GCNT1: variants seen among roughly 807,000 people sequenced by gnomAD.
GCNT1 encodes beta-1,3-galactosyl-O-glycosyl-glycoprotein beta-1,6-N-acetylglucosaminyltransferase.
GCNT1 carries 16 observed loss-of-function variants against 26.2 expected under a neutral mutation model. That is an observed-to-expected ratio of 0.61 (90% CI 0.41 to 0.93). GCNT1 has a LOEUF of 0.93. Ranked by LOEUF, GCNT1 falls within the 40% of genes least tolerant of loss-of-function variation. The probability of loss-of-function intolerance (pLI) is 0.00; values close to 1 mark genes in which losing one functional copy is unlikely to be tolerated. For synonymous variants in GCNT1, 183 were observed against 190.8 expected (o/e 0.96, Z 0.34); for missense variants, 477 against 526.7 (o/e 0.91, Z 0.92).
the GCNT1 span, among the ~76,000 whole-genome samples, chr9:76,406,078 G>T: frequency 6.6e-6 from 1 of 152,102 alleles, no homozygotes; most frequent in Non-Finnish European, 1.5e-5. Flanking sequence ...TCTGGATTTG[G>T]GCCCTTCCAA....
intron 2 of GCNT1, among the ~76,000 whole-genome samples, chr9:76,467,044 CTT>C (rs368874355): frequency 1.4e-5 from 2 of 146,964 alleles, no homozygotes; most frequent in African/African-American, 5.0e-5. Flanking sequence ...CTCAGCTGAT[CTT>C]TTTTTTTTTT....
chr9:76,462,987 C>G (rs1823906842), intron 2 of GCNT1, among the ~76,000 whole-genome samples: 1 of 152,088 alleles, frequency 6.6e-6, no homozygotes. Flanking sequence ...CTCTTTTTAG[C>G]TAACAGCAAT....
intron 1 of GCNT1, among the ~76,000 whole-genome samples, chr9:76,443,419 C>T (rs867634636): frequency 1.3e-5 from 2 of 152,208 alleles, no homozygotes; most frequent in Middle Eastern, 3.4e-3. Flanking sequence ...TTATGGGAAA[C>T]GAAGGGATGG....
intron 1 of GCNT1, among the ~76,000 whole-genome samples, chr9:76,426,249 G>C (rs1823256394): frequency 6.6e-6 from 1 of 152,144 alleles, no homozygotes; most frequent in African/African-American, 2.4e-5. Context: ...AGATGGAGTT[G>C]GTCAGGTCAG....
At chr9:76,402,041 C>T in the GCNT1 span, among the ~76,000 whole-genome samples, 7 of 152,316 alleles carry the variant, frequency 4.6e-5, no homozygotes, top group African/African-American at 1.2e-4. Context: ...ACGTAGATTC[C>T]TCTTGTGCCA....
upstream of GCNT1, among the ~76,000 whole-genome samples, chr9:76,454,842 C>CTTTTTTTTTTTT (rs1183951605): frequency 5.7e-3 from 604 of 105,670 alleles, 2 homozygotes; most frequent in Middle Eastern, 8.1e-3. Context: ...CTTTTCTTTT[C>CTTTTTTTTTTTT]TTTTTTTTTT....
At chr9:76,403,704 C>G in the GCNT1 span, among the ~76,000 whole-genome samples, 5 of 152,146 alleles carry the variant, frequency 3.3e-5, no homozygotes, top group African/African-American at 1.2e-4. Context: ...CTTCCTCAAT[C>G]ACAAAAGATA....
At chr9:76,467,597 G>A (rs962629112) in intron 2 of GCNT1, among the ~76,000 whole-genome samples, 6 of 152,132 alleles carry the variant, frequency 3.9e-5, no homozygotes, top group Non-Finnish European at 7.4e-5. Flanking sequence ...TGGTTGCAGT[G>A]TACAAACCAG....
intron 2 of GCNT1, among the ~76,000 whole-genome samples, chr9:76,466,441 G>T (rs375616188): frequency 2.6e-5 from 4 of 152,124 alleles, no homozygotes; most frequent in Non-Finnish European, 5.9e-5. Flanking sequence ...AGCACCAAGG[G>T]TGTACAGCAC....
At chr9:76,411,672 C>G in the GCNT1 span, among the ~76,000 whole-genome samples, 2 of 132,546 alleles carry the variant, frequency 1.5e-5, no homozygotes, top group African/African-American at 2.8e-5. Context: ...TTCATTTTCT[C>G]TCCTTTTTTA....
intron 2 of GCNT1, among the ~76,000 whole-genome samples, chr9:76,478,029 A>G (rs1259914485): frequency 1.3e-5 from 2 of 152,204 alleles, no homozygotes; most frequent in African/African-American, 2.4e-5. Flanking sequence ...AAATGCACCA[A>G]TCAGCGCTTT....
chr9:76,490,497 G>A (rs903135525), intron 2 of GCNT1, among the ~76,000 whole-genome samples: 1 of 152,186 alleles, frequency 6.6e-6, no homozygotes, highest in Non-Finnish European at 1.5e-5. Context: ...GCTTTGAGGG[G>A]CACTGACAAG....
chr9:76,494,061 G>A (rs1488191452), intron 2 of GCNT1, among the ~76,000 whole-genome samples: 3 of 151,922 alleles, frequency 2.0e-5, no homozygotes, highest in Non-Finnish European at 4.4e-5. Context: ...CCGCGGTTTT[G>A]GTTTGTTCCC....
intron 2 of GCNT1, among the ~76,000 whole-genome samples, chr9:76,476,927 T>G (rs960608891): frequency 5.3e-5 from 8 of 152,104 alleles, no homozygotes; most frequent in Non-Finnish European, 1.0e-4. Context: ...TTTATTTATT[T>G]GTTTAGACAG....
the GCNT1 span, among the ~76,000 whole-genome samples, chr9:76,397,568 C>T: frequency 3.5e-3 from 527 of 152,010 alleles, 1 homozygote; most frequent in Non-Finnish European, 5.7e-3. Flanking sequence ...CTCAGCCTCC[C>T]GAGTAGCTGG....
upstream of GCNT1, among the ~76,000 whole-genome samples, chr9:76,458,639 C>T (rs139573035): frequency 2.5e-3 from 377 of 152,202 alleles, 2 homozygotes; most frequent in African/African-American, 8.5e-3. Context: ...GCTATAAGGG[C>T]GGGGAAGGTT....
At chr9:76,428,302 A>AAAAAAAAAAAAAAG (rs1222053703) in intron 1 of GCNT1, among the ~76,000 whole-genome samples, 31 of 149,434 alleles carry the variant, frequency 2.1e-4, no homozygotes, top group African/African-American at 4.2e-4. Flanking sequence ...TAAAAAAAAA[A>AAAAAAAAAAAAAAG]AGAGAGAGAG....
intron 2 of GCNT1, among the ~76,000 whole-genome samples, chr9:76,497,499 CA>C (rs886768455): frequency 2.0e-5 from 3 of 152,166 alleles, no homozygotes; most frequent in Non-Finnish European, 4.4e-5. Flanking sequence ...AATGCTTTCT[CA>C]CATATTTAGC....
intron 2 of GCNT1, among the ~76,000 whole-genome samples, chr9:76,474,999 C>T (rs1359204965): frequency 1.3e-5 from 2 of 152,158 alleles, no homozygotes; most frequent in African/African-American, 4.8e-5. Context: ...TGCAGTGGCA[C>T]GATCTCGGTT....
Sources: gnomAD v4.1 joint callset for allele counts (sites outside exome capture counted in the v4.1 genomes callset) on GRCh38, gnomAD v4.1.1 for gene constraint, MANE v1.5 for transcripts, NCBI Gene and HGNC (gene_info 2026-07-23, HGNC 2026-07-21) for gene names.